The following TSPEAR variants were observed in gnomAD, a reference collection of about 807,000 sequenced individuals.
TSPEAR encodes thrombospondin type laminin G domain and EAR repeats, also known as thrombospondin-type laminin G domain and EAR repeat-containing protein.
A neutral mutation model predicts 71.6 loss-of-function variants in TSPEAR; 69 were observed. The observed-to-expected ratio is 0.96, with a 90% CI of 0.79 to 1.18. The LOEUF is 1.18. Among genes scored for constraint, TSPEAR ranks in the 50% most tolerant of loss-of-function variants. The pLI, the probability that TSPEAR is intolerant of heterozygous loss-of-function variation, is 0.00. For missense variants in TSPEAR, 971 were observed against 894.9 expected (o/e 1.09, Z -1.09); for synonymous variants, 402 against 387.2 (o/e 1.04, Z -0.45).
chr21:44,706,349 AC>A (rs1183967625), intron 1 of TSPEAR, among the ~76,000 whole-genome samples: 4 of 151,488 alleles, frequency 2.6e-5, no homozygotes, highest in African/African-American at 9.7e-5. Context: ...CCCCATGCAC[AC>A]GCACCCACTT....
At chr21:44,658,057 G>A (rs1985260239) in intron 1 of TSPEAR, 6 of 1,611,848 alleles carry the variant, frequency 3.7e-6, no homozygotes, top group Admixed American at 3.3e-5. Context: ...CCTGCTATGT[G>A]CCCGTGAGCT....
At chr21:44,524,584 TAGTC>T (rs2052808486) in intron 8 of TSPEAR, among the ~76,000 whole-genome samples, 1 of 150,866 alleles carries the variant, frequency 6.6e-6, no homozygotes, top group East Asian at 2.0e-4. Flanking sequence ...GTCAATCAGT[TAGTC>T]AGGTAGTTAG....
At chr21:44,660,786 G>A (rs1428321460) in intron 1 of TSPEAR, among the ~76,000 whole-genome samples, 1 of 151,472 alleles carries the variant, frequency 6.6e-6, no homozygotes, top group Admixed American at 6.6e-5. Flanking sequence ...GGCCAACATG[G>A]TGAAACCCCA....
In TSPEAR at chr21:44,498,654, C is replaced by T. The variant is rs1046520635; in HGVS notation, c.*1129G>A. On this transcript the variant is annotated 3_prime_UTR_variant, in exon 12 of 12. Coordinates refer to ENST00000323084, the MANE Select transcript of TSPEAR (RefSeq NM_144991.3). ...GGTGTAGGAAATAGGAAGTTTTGTC[C>T]ACAGTTCTGATTGGCGGAAAAAGCA... is the stretch of plus-strand genomic sequence containing the variant. The T allele has an allele frequency of 6.6e-6, 1 of 152,240 alleles. No individual in the cohort carries two copies. Among genetic ancestry groups the T allele is most frequent in the Non-Finnish European group, 1.5e-5 (1 of 68,060 alleles). 9.4% of individuals were successfully genotyped at this position (152,240 alleles called of 1,614,324 possible). A position where few individuals can be genotyped will look rare whatever the true frequency, so the allele number is the denominator to read the frequency against.
At chr21:44,685,017 C>G (rs1401170036) in intron 1 of TSPEAR, among the ~76,000 whole-genome samples, 19 of 152,286 alleles carry the variant, frequency 1.2e-4, no homozygotes, top group Middle Eastern at 3.4e-3. Context: ...GCCTTAAGGT[C>G]ACTCTCACAT....
intron 1 of TSPEAR, chr21:44,575,142 A>G (rs1978347409): frequency 2.1e-6 from 2 of 961,294 alleles, no homozygotes; most frequent in Admixed American, 2.9e-5. Context: ...GAGCTGGACA[A>G]TGGAAGAACT....
In TSPEAR at chr21:44,531,277, C is replaced by T. The variant is rs75009873; in HGVS notation, c.543-144G>A. The T allele has an allele frequency of 4.3e-3, 2,850 of 655,406 alleles. 26 individuals are homozygous for T. Among genetic ancestry groups the T allele is most frequent in the Middle Eastern group, 0.033 (126 of 3,840 alleles). The allele number at this position is 655,406 out of a possible 1,614,324, so 40.6% of individuals were successfully genotyped here. A position where few individuals can be genotyped will look rare whatever the true frequency, so the allele number is the denominator to read the frequency against. On this transcript the variant is annotated intron_variant, in intron 3 of 11. Transcript: ENST00000323084. Reference sequence around the variant, plus strand: ...ACAAAGGATGGCACACAGGGCTGATCGCCTGCACAGCTCTGGAGCCCAGTA... The same window carrying T: ...ACAAAGGATGGCACACAGGGCTGATTGCCTGCACAGCTCTGGAGCCCAGTA...
chr21:44,697,326 G>A (rs782651108), intron 1 of TSPEAR: 13 of 1,613,194 alleles, frequency 8.1e-6, no homozygotes, highest in Non-Finnish European at 1.1e-5. Flanking sequence ...CCCCCCTGCT[G>A]CGCCCCGGCC....
intron 1 of TSPEAR, among the ~76,000 whole-genome samples, chr21:44,647,991 A>C (rs917622030): frequency 1.3e-5 from 2 of 152,232 alleles, no homozygotes. Flanking sequence ...AATCCCGTTC[A>C]GTTGGGACCT....
At chr21:44,699,389 A>AAAAG (rs1824983396) in intron 1 of TSPEAR, among the ~76,000 whole-genome samples, 1 of 150,908 alleles carries the variant, frequency 6.6e-6, no homozygotes, top group Admixed American at 6.6e-5. Flanking sequence ...AAAAAAAAAA[A>AAAAG]AAAAAAAAAG....
rs782296232 is a variant in TSPEAR at position 44,528,492 on chromosome 21, C to T, written c.882G>A (p.Leu294=). 2 of 1,614,136 alleles carry T rather than the reference C, an allele frequency of 1.2e-6. No individual in the cohort carries two copies. Among genetic ancestry groups the T allele is most frequent in the Non-Finnish European group, 1.7e-6 (2 of 1,180,020 alleles). Residue 294 remains leucine (L), a synonymous_variant, in exon 6 of 12, where the codon CTG becomes CTA. Transcript: ENST00000323084. ...CCCACTCGTTGCCAACACACAGATA[C>T]AGGCCCTTCCGGCTGGCATCAAACC... The part of the protein sequence containing the change: ...QFWFDASRKG[L]YLCVGNEWVS...
At chr21:44,508,222 C>G (rs1027803870) in intron 10 of TSPEAR, 6 of 156,060 alleles carry the variant, frequency 3.8e-5, no homozygotes, top group African/African-American at 1.4e-4. Flanking sequence ...CTCCTCCGCA[C>G]TGGGGACACA....
At chr21:44,599,148 C>CTCTCTCTCTCTCTCTCTCTCAG (rs1980587785) in intron 1 of TSPEAR, among the ~76,000 whole-genome samples, 1 of 135,650 alleles carries the variant, frequency 7.4e-6, no homozygotes, top group Non-Finnish European at 1.5e-5. Flanking sequence ...CTCTCTCTCT[C>CTCTCTCTCTCTCTCTCTCTCAG]TCTCTCTCTC....
chr21:44,592,451 C>T (rs782354584), intron 1 of TSPEAR: 15 of 1,611,288 alleles, frequency 9.3e-6, no homozygotes, highest in African/African-American at 6.7e-5. Context: ...TAGCTCAGGT[C>T]GCTGGAGCAG....
At chr21:44,578,101 A>C (rs1555924179) in intron 1 of TSPEAR, among the ~76,000 whole-genome samples, 4 of 152,190 alleles carry the variant, frequency 2.6e-5, no homozygotes, top group African/African-American at 7.2e-5. Context: ...GCCATGTGGA[A>C]CTGTGAGTCC....
chr21:44,643,968 A>C (rs1555939010), intron 1 of TSPEAR, among the ~76,000 whole-genome samples: 1 of 152,234 alleles, frequency 6.6e-6, no homozygotes, highest in Non-Finnish European at 1.5e-5. Flanking sequence ...ATAAAACAAA[A>C]GACTACGTTT....
At chr21:44,574,734 G>A (rs782478612) in intron 1 of TSPEAR, 3 of 1,613,124 alleles carry the variant, frequency 1.9e-6, no homozygotes, top group Non-Finnish European at 2.5e-6. Flanking sequence ...CTGCAAGCCT[G>A]TGAGCTGTGT....
At chr21:44,657,668 G>C (rs1204811118) in intron 1 of TSPEAR, among the ~76,000 whole-genome samples, 2 of 152,174 alleles carry the variant, frequency 1.3e-5, no homozygotes, top group African/African-American at 4.8e-5. Context: ...TTTGAGTCGA[G>C]CCAGTGGTGC....
chr21:44,647,771 A>T, intron 1 of TSPEAR: 5 of 226,768 alleles, frequency 2.2e-5, no homozygotes, highest in Non-Finnish European at 3.5e-5. Flanking sequence ...TCCGAGATCA[A>T]ACACTTGGAA....
Sources: gnomAD v4.1 joint callset for allele counts (sites outside exome capture counted in the v4.1 genomes callset) on GRCh38, gnomAD v4.1.1 for gene constraint, MANE v1.5 for transcripts, NCBI Gene and HGNC (gene_info 2026-07-23, HGNC 2026-07-21) for gene names.